Variants in AMDHD2 observed in about 807,000 individuals in gnomAD.
AMDHD2 encodes the protein N-acetylglucosamine-6-phosphate deacetylase.
AMDHD2 carries 24 observed loss-of-function variants against 41.8 expected under a neutral mutation model. The observed-to-expected ratio is 0.57, with a 90% CI of 0.42 to 0.81. AMDHD2 has a LOEUF of 0.81. AMDHD2 is among the 30% of genes least tolerant of loss of function. AMDHD2 has a pLI of 0.00. For missense variants in AMDHD2, 540 were observed against 588.5 expected (o/e 0.92, Z 0.85); for synonymous variants, 332 against 255.5 (o/e 1.30, Z -2.85).
In AMDHD2 at chr16:2,525,787, G is replaced by A. The variant is rs145664228; in HGVS notation, c.361-1774G>A. On this transcript the variant is annotated intron_variant, in intron 3 of 10. Coordinates refer to ENST00000293971, the MANE Select transcript of AMDHD2 (RefSeq NM_001330449.2). ...TCTCGATCTCCTGACCTCGTGATCCGCCTGCCTTGGCCTCCCCAGGTGCTG... is the reference window on the plus strand; with the variant it reads ...TCTCGATCTCCTGACCTCGTGATCCACCTGCCTTGGCCTCCCCAGGTGCTG... 1.0e-3 allele frequency among the ~76,000 whole-genome samples: 155 copies of A among 152,162 alleles called. 1 individual carries two copies. The highest frequency in any genetic ancestry group is 3.4e-3 in the African/African-American group (142 of 41,522).
chr16:2,521,425 G>A (rs2065935878), intron 3 of AMDHD2, among the ~76,000 whole-genome samples: 1 of 152,124 alleles, frequency 6.6e-6, no homozygotes, highest in South Asian at 2.1e-4. Flanking sequence ...CCAGGCTTCA[G>A]AAACCATCCC....
intron 3 of AMDHD2, among the ~76,000 whole-genome samples, chr16:2,524,914 G>A (rs762605757): frequency 9.2e-5 from 14 of 151,578 alleles, no homozygotes; most frequent in Non-Finnish European, 1.8e-4. Context: ...GTCAGTCATC[G>A]GAGTGGTGTG....
chr16:2,526,871 A>G (rs757459252), intron 3 of AMDHD2, among the ~76,000 whole-genome samples: 1 of 152,288 alleles, frequency 6.6e-6, no homozygotes, highest in East Asian at 1.9e-4. Flanking sequence ...CAGAGGTTGC[A>G]GTGAGCCGAG....
chr16:2,528,541 C>T lies in AMDHD2; in HGVS notation c.952C>T (p.Leu318=). 1 of 1,612,688 alleles carries T rather than the reference C, an allele frequency of 6.2e-7. No homozygotes were observed. Among genetic ancestry groups the T allele is most frequent in the Middle Eastern group, 1.7e-4 (1 of 5,810 alleles). The part of the protein sequence containing the change: ...LGQQEVEVDG[L]TAYVAGTKTL... Reference sequence around the variant, plus strand: ...ACAGCAGGAAGTGGAAGTGGACGGTCTGACGGCCTACGTGGCAGGTGAGCG... The same window carrying T: ...ACAGCAGGAAGTGGAAGTGGACGGTTTGACGGCCTACGTGGCAGGTGAGCG... The change falls in exon 8 of 11, where the codon CTG becomes TTG. Residue 318 remains leucine, a synonymous_variant. Coordinates refer to ENST00000293971, the MANE Select transcript of AMDHD2 (RefSeq NM_001330449.2).
In AMDHD2 at chr16:2,520,819, T is replaced by TCAA; in HGVS notation, c.135_136insAAC (p.Phe45_Phe46insAsn). On this transcript the variant is annotated inframe_insertion, in exon 2 of 11. Coordinates refer to ENST00000293971, the MANE Select transcript of AMDHD2 (RefSeq NM_001330449.2). ...CGCATCTTGGACCCAGAGAAGCTGT[T>TCAA]CTTTGAGGAGCGGCGCGTGGCCGAC... is the stretch of plus-strand genomic sequence containing the variant. 1 of 1,611,128 alleles carries TCAA rather than the reference T, an allele frequency of 6.2e-7. No individual in the cohort carries two copies. Among genetic ancestry groups the TCAA allele is most frequent in the Non-Finnish European group, 8.5e-7 (1 of 1,179,284 alleles).
intron 3 of AMDHD2, among the ~76,000 whole-genome samples, chr16:2,524,334 C>T (rs960782846): frequency 2.6e-5 from 4 of 152,218 alleles, no homozygotes; most frequent in African/African-American, 9.6e-5. Flanking sequence ...GACAGGTGAG[C>T]TCACTTTGTT....
intron 3 of AMDHD2, 132 bp downstream of exon 3, chr16:2,521,255 C>G (rs973090459): frequency 5.7e-6 from 7 of 1,220,816 alleles, no homozygotes; most frequent in Non-Finnish European, 7.6e-6. Flanking sequence ...CTTTGATGAC[C>G]GGATCTGGGC....
intron 3 of AMDHD2, among the ~76,000 whole-genome samples, chr16:2,521,780 AGTT>A (rs1279595933): frequency 1.1e-4 from 11 of 98,336 alleles, no homozygotes; most frequent in Non-Finnish European, 2.3e-4. Context: ...TTTTTTGTTT[AGTT>A]TTTTTTTTTT....
chr16:2,523,137 C>T (rs1237926887), intron 3 of AMDHD2, among the ~76,000 whole-genome samples: 3 of 152,272 alleles, frequency 2.0e-5, no homozygotes, highest in African/African-American at 7.2e-5. Context: ...CCATGGTGCC[C>T]AACCAATACT....
chr16:2,522,201 A>G (rs2065950083), intron 3 of AMDHD2, among the ~76,000 whole-genome samples: 1 of 152,136 alleles, frequency 6.6e-6, no homozygotes, highest in Admixed American at 6.5e-5. Flanking sequence ...CTCTTGCTTC[A>G]GCCTCTTGAG....
chr16:2,526,537 C>A (rs2066006031), intron 3 of AMDHD2, among the ~76,000 whole-genome samples: 2 of 152,082 alleles, frequency 1.3e-5, no homozygotes, highest in Admixed American at 1.3e-4. Context: ...GCGTGCACTC[C>A]CCCAGACCTG....
At position 2,528,340 on chromosome 16, in the gene AMDHD2, C is replaced by A. The variant is rs1423741921; in HGVS notation, c.822C>A (p.Asn274Lys). Reference sequence around the variant, plus strand: ...TGATTGCAGATGGCACGCACACCAACCCCGCCGCCCTGCGGATCGCCCACC... The same window carrying A: ...TGATTGCAGATGGCACGCACACCAAACCCGCCGCCCTGCGGATCGCCCACC... ...YGMIADGTHTNPAALRIAHRA... is the reference protein window; with the variant it reads ...YGMIADGTHTKPAALRIAHRA... Residue 274 changes from asparagine (N) to lysine (K), a missense_variant, in exon 7 of 11, where the codon AAC becomes AAA. Asn to Lys is a moderately conservative substitution (Grantham distance 94). Transcript: ENST00000293971. 1 of 1,612,888 alleles carries A rather than the reference C, an allele frequency of 6.2e-7. No homozygotes were observed. Among genetic ancestry groups the A allele is most frequent in the East Asian group, 2.2e-5 (1 of 44,876 alleles).
At chr16:2,524,813 C>G (rs1487294696) in intron 3 of AMDHD2, among the ~76,000 whole-genome samples, 1 of 152,084 alleles carries the variant, frequency 6.6e-6, no homozygotes, top group African/African-American at 2.4e-5. Flanking sequence ...AACATCAGTG[C>G]TCTCGTGGCT....
chr16:2,525,950 A>G (rs1474912809), intron 3 of AMDHD2, among the ~76,000 whole-genome samples: 1 of 152,164 alleles, frequency 6.6e-6, no homozygotes, highest in Non-Finnish European at 1.5e-5. Flanking sequence ...AAGTGCTGGG[A>G]TTACAGGTGT....
chr16:2,529,646 G>T lies in AMDHD2; in HGVS notation c.*83G>T. The T allele has an allele frequency of 1.3e-6, 2 of 1,585,336 alleles. No homozygotes were observed. The highest frequency in any genetic ancestry group is 1.7e-6 in the Non-Finnish European group (2 of 1,172,660). ...GTTGGGGAGCTGGTCTCCAGGGAGT[G>T]AGTCGGGAGCCCTGCTGGATTGATG... On this transcript the variant is annotated 3_prime_UTR_variant, in exon 11 of 11. Transcript: ENST00000293971.
rs2141909769 is a variant in AMDHD2, at chr16:2,527,938, A to C, written c.581A>C (p.His194Pro). The part of the protein sequence containing the change: ...VTLAPELGRS[H>P]EVIRALTARG... ...CTGGCCCCAGAGTTGGGCCGTAGCC[A>C]CGAAGTGATCCGGGCGCTGACGGCC... The change falls in exon 5 of 11, where the codon CAC (histidine) becomes CCC (proline). Residue 194 changes from histidine to proline, a missense_variant. His to Pro is a moderately conservative substitution (Grantham distance 77). Transcript: ENST00000293971. The surrounding 1 kb of genome is among the most constrained non-coding windows in gnomAD (Gnocchi z 6.1). The C allele has an allele frequency of 6.3e-7, 1 of 1,599,946 alleles. No homozygotes were observed. Among genetic ancestry groups the C allele is most frequent in the Non-Finnish European group, 8.5e-7 (1 of 1,178,966 alleles).
At chr16:2,529,453 T>C in intron 10 of AMDHD2, 22 bp from the exon 11 acceptor site, 2 of 1,607,892 alleles carry the variant, frequency 1.2e-6, no homozygotes, top group Non-Finnish European at 8.5e-7. Flanking sequence ...TGCCCCCTAC[T>C]CATTGCCCGG....
chr16:2,530,832 C>T lies in AMDHD2; in HGVS notation c.*1269C>T, dbSNP rs200977329. 66 of 1,613,752 alleles carry T rather than the reference C, an allele frequency of 4.1e-5. No individual in the cohort carries two copies. In the Admixed American group the frequency reaches 7.0e-4, roughly 17 times the overall value. ...CCCAGGGGCAGCCCAGGAAAGCAGG[C>T]GACGGATGTGGATCCTGACCTCCTG... On this transcript the variant is annotated 3_prime_UTR_variant, in exon 11 of 11. Coordinates refer to ENST00000293971, the MANE Select transcript of AMDHD2 (RefSeq NM_001330449.2).
rs566138341 is a variant in AMDHD2 at position 2,527,391 on chromosome 16, C to T, written c.361-170C>T. Among the ~76,000 whole-genome samples, 374 of 152,332 alleles carry T rather than the reference C, an allele frequency of 2.5e-3. 1 individual carries two copies. The highest frequency in any genetic ancestry group is 4.4e-3 in the Non-Finnish European group (298 of 68,028). ...TTTCTTCCTGCTCCTGCCATGGGTCCTTCAATTCTGCCGGCTGTGCTTTCC... is the reference window on the plus strand; with the variant it reads ...TTTCTTCCTGCTCCTGCCATGGGTCTTTCAATTCTGCCGGCTGTGCTTTCC... On this transcript the variant is annotated intron_variant, in intron 3 of 10. Transcript: ENST00000293971. The surrounding 1 kb of genome is among the most constrained non-coding windows in gnomAD (Gnocchi z 6.1).
Sources: gnomAD v4.1 joint callset for allele counts (sites outside exome capture counted in the v4.1 genomes callset) on GRCh38, gnomAD v4.1.1 for gene constraint, Gnocchi (gnomAD v3.1) non-coding constraint, MANE v1.5 for transcripts, NCBI Gene and HGNC (gene_info 2026-07-23, HGNC 2026-07-21) for gene names.